The following STX6 variants were observed in gnomAD, a reference collection of about 807,000 sequenced individuals.
STX6 encodes the protein syntaxin-6.
A neutral mutation model predicts 38.0 loss-of-function variants in STX6; 23 were observed. That is an observed-to-expected ratio of 0.60 (90% confidence interval 0.43 to 0.86). The LOEUF is 0.86. STX6 is among the 40% of genes least tolerant of loss of function. STX6 has a pLI of 0.00. For missense variants in STX6, 274 were observed against 312.9 expected, an observed-to-expected ratio of 0.88 and a Z score of 0.94; for synonymous variants, 123 against 107.5, an observed-to-expected ratio of 1.14 and a Z score of -0.89.
chr1:181,013,167 A>AC (rs1432430304), intron 1 of STX6, among the ~76,000 whole-genome samples: 1 of 152,062 alleles, frequency 6.6e-6, no homozygotes, highest in Non-Finnish European at 1.5e-5. Flanking sequence ...CAAAAAAAAA[A>AC]AAAATCACAA....
chr1:181,014,580 T>C (rs1037088349), intron 1 of STX6, among the ~76,000 whole-genome samples: 2 of 152,098 alleles, frequency 1.3e-5, no homozygotes, highest in African/African-American at 4.8e-5. Context: ...AGGCTGAAAG[T>C]TTCCATTCTA....
At chr1:180,987,970 A>G (rs1170970755) in intron 6 of STX6, 7 of 300,054 alleles carry the variant, frequency 2.3e-5, no homozygotes, top group South Asian at 1.9e-4. Flanking sequence ...ATTCATAACT[A>G]TACTTCGAGT....
intron 1 of STX6, among the ~76,000 whole-genome samples, chr1:181,015,910 T>C (rs1454827401): frequency 6.6e-6 from 1 of 152,180 alleles, no homozygotes; most frequent in Non-Finnish European, 1.5e-5. Context: ...TCGCCTGCCT[T>C]GGCCTCCCAA....
intron 1 of STX6, among the ~76,000 whole-genome samples, chr1:181,013,501 G>A (rs1457415621): frequency 6.6e-6 from 1 of 152,076 alleles, no homozygotes; most frequent in Non-Finnish European, 1.5e-5. Flanking sequence ...TTTATTTATT[G>A]TAGAAACAGG....
chr1:180,984,320 C>T (rs950722728), intron 7 of STX6, among the ~76,000 whole-genome samples: 2 of 151,836 alleles, frequency 1.3e-5, no homozygotes, highest in East Asian at 1.9e-4. Flanking sequence ...CTGACACGGG[C>T]GGATCACCTG....
intron 6 of STX6, 26 bp from the exon 7 acceptor site, chr1:180,984,797 C>G: frequency 8.7e-7 from 1 of 1,146,068 alleles, no homozygotes; most frequent in African/African-American, 1.5e-5. Context: ...CACAGAAGGT[C>G]GCTGGTAAGC....
intron 7 of STX6, among the ~76,000 whole-genome samples, chr1:180,978,889 A>T (rs1655326634): frequency 6.6e-6 from 1 of 152,214 alleles, no homozygotes; most frequent in South Asian, 2.1e-4. Flanking sequence ...CCAGTATATC[A>T]TGTCCACTTT....
intron 1 of STX6, among the ~76,000 whole-genome samples, chr1:181,010,743 C>T (rs776191894): frequency 1.9e-4 from 29 of 152,110 alleles, no homozygotes; most frequent in Non-Finnish European, 4.1e-4. Context: ...GTTTTAGCCA[C>T]CACAGCTTTT....
intron 6 of STX6, among the ~76,000 whole-genome samples, chr1:180,986,324 CAA>C (rs58040967): frequency 0.56 from 84,899 of 151,916 alleles, 24,046 homozygotes; most frequent in East Asian, 0.63. Context: ...TTAATATAGC[CAA>C]AATACTGTAA....
chr1:180,981,264 C>T (rs1655407809), intron 7 of STX6, among the ~76,000 whole-genome samples: 1 of 151,940 alleles, frequency 6.6e-6, no homozygotes, highest in African/African-American at 2.4e-5. Context: ...GGAAGTTATG[C>T]ATGGGGGAAG....
chr1:180,990,032 G>C lies in STX6; in HGVS notation c.441C>G (p.Leu147=). The C allele has an allele frequency of 7.4e-6, 12 of 1,614,060 alleles. No homozygotes were observed. Among genetic ancestry groups the C allele is most frequent in the Non-Finnish European group, 1.0e-5 (12 of 1,180,016 alleles). Residue 147 remains leucine (L), a synonymous_variant, in exon 5 of 8, where the codon CTC becomes CTG. Coordinates refer to ENST00000258301, the MANE Select transcript of STX6 (RefSeq NM_005819.6). ...TDKYGRLDRE[L]QRANSHFIEE... ...CAATGAAATGAGAATTGGCTCTCTGGAGCTCTCGGTCCAGACGCCCATATT... is the reference window on the plus strand; with the variant it reads ...CAATGAAATGAGAATTGGCTCTCTGCAGCTCTCGGTCCAGACGCCCATATT...
chr1:181,017,832 A>T (rs1372429153), intron 1 of STX6, among the ~76,000 whole-genome samples: 1 of 152,150 alleles, frequency 6.6e-6, no homozygotes, highest in Non-Finnish European at 1.5e-5. Context: ...AATATTCTGG[A>T]GGACAACGTG....
chr1:180,997,000 T>C (rs1023487407), intron 3 of STX6, among the ~76,000 whole-genome samples: 3 of 152,214 alleles, frequency 2.0e-5, no homozygotes, highest in East Asian at 1.9e-4. Context: ...AAATATCTAC[T>C]GGTAGGTCAA....
chr1:180,991,659 A>G (rs1414563056), intron 4 of STX6, among the ~76,000 whole-genome samples: 2 of 152,168 alleles, frequency 1.3e-5, no homozygotes, highest in Non-Finnish European at 2.9e-5. Flanking sequence ...ATAATAGGAT[A>G]GAGATTGAGA....
intron 3 of STX6, among the ~76,000 whole-genome samples, chr1:180,999,591 A>G (rs971323728): frequency 6.6e-6 from 1 of 152,198 alleles, no homozygotes; most frequent in Non-Finnish European, 1.5e-5. Flanking sequence ...AAAGCTTACT[A>G]AAGGCATAAC....
chr1:181,007,645 A>T (rs1466016129), intron 1 of STX6, among the ~76,000 whole-genome samples: 1 of 152,214 alleles, frequency 6.6e-6, no homozygotes, highest in Non-Finnish European at 1.5e-5. Context: ...ACCAGTACAC[A>T]ATGATGATGC....
At chr1:181,016,817 T>C (rs1040701594) in intron 1 of STX6, among the ~76,000 whole-genome samples, 2 of 152,240 alleles carry the variant, frequency 1.3e-5, no homozygotes, top group African/African-American at 2.4e-5. Flanking sequence ...CTGGGTGCGG[T>C]GGCTCATGCC....
Position 181,022,863 on chromosome 1 carries a change from G to C in STX6, c.-190C>G, listed in dbSNP as rs894919148. ...GTCCAGCACTCGCTCAGCACCACTG[G>C]CCGAATCCCGGACTCGGGCGCCGGC... On this transcript the variant is annotated 5_prime_UTR_variant, in exon 1 of 8. Transcript: ENST00000258301. 2.5e-5 allele frequency: 14 copies of C among 562,510 alleles called. No individual in the cohort carries two copies. The highest frequency in any genetic ancestry group is 4.0e-5 in the Non-Finnish European group (13 of 325,626). The allele number at this position is 562,510 out of a possible 1,614,324, so 34.8% of individuals were successfully genotyped here.
chr1:180,985,564 A>C (rs956764043), intron 6 of STX6, among the ~76,000 whole-genome samples: 1 of 152,256 alleles, frequency 6.6e-6, no homozygotes, highest in Non-Finnish European at 1.5e-5. Context: ...GTGCATGCAC[A>C]CGCGCATTTC....
Sources: allele counts gnomAD v4.1 joint callset (sites outside exome capture counted in the v4.1 genomes callset), GRCh38; gene constraint gnomAD v4.1.1; transcripts MANE v1.5; gene names NCBI Gene and HGNC (gene_info 2026-07-23, HGNC 2026-07-21).